Variants in NPC1 observed in about 807,000 individuals in gnomAD.
NPC1 encodes NPC intracellular cholesterol transporter 1.
NPC1 carries 85 observed loss-of-function variants against 140.4 expected under a neutral mutation model. That is an observed-to-expected ratio of 0.61 (90% CI 0.51 to 0.72). The LOEUF (loss-of-function observed/expected upper bound fraction) is 0.72, where lower values mean the gene tolerates loss of function less well. Among genes scored for constraint, NPC1 ranks in the 30% least tolerant of loss-of-function variants. NPC1 has a pLI of 0.00. For missense variants in NPC1, 1,504 were observed against 1,623.8 expected, an observed-to-expected ratio of 0.93 and a Z score of 1.27; for synonymous variants, 656 against 624.8, an observed-to-expected ratio of 1.05 and a Z score of -0.74.
intron 3 of NPC1, among the ~76,000 whole-genome samples, chr18:23,569,451 T>C (rs1252281589): frequency 6.6e-6 from 1 of 152,160 alleles, no homozygotes; most frequent in Non-Finnish European, 1.5e-5. Flanking sequence ...GCCTCCCAAG[T>C]AGCTAGGACT....
chr18:23,564,367 G>A (rs974259457), intron 4 of NPC1, among the ~76,000 whole-genome samples: 14 of 151,916 alleles, frequency 9.2e-5, no homozygotes, highest in Admixed American at 1.3e-4. Flanking sequence ...TTTTGAGACA[G>A]AGTCTCACTC....
At chr18:23,537,835 G>A (rs985685532) in intron 20 of NPC1, among the ~76,000 whole-genome samples, 2 of 152,156 alleles carry the variant, frequency 1.3e-5, no homozygotes, top group Admixed American at 6.5e-5. Context: ...ATGATACCTC[G>A]AATAGGTCTC....
intron 1 of NPC1, among the ~76,000 whole-genome samples, chr18:23,578,571 G>A (rs1382687196): frequency 6.6e-6 from 1 of 151,560 alleles, no homozygotes; most frequent in Non-Finnish European, 1.5e-5. Context: ...CACCTCAGGG[G>A]CCTCCACACC....
At position 23,561,476 on chromosome 18, in the gene NPC1, G is replaced by A. The variant is rs753654470; in HGVS notation, c.515C>T (p.Ala172Val). The A allele has an allele frequency of 4.3e-6, 7 of 1,614,008 alleles. No individual in the cohort carries two copies. The South Asian group carries it at 5.5e-5, about 13-fold the overall frequency. ...DVEAPSSNDK[A>V]LGLLCGKDAD... ...GTCCTTCCCACACAGGAGTCCCAGG[G>A]CCTTGTCATTACTTGAGGGGGCCTC... is the stretch of plus-strand genomic sequence containing the variant. Residue 172 changes from alanine to valine, a missense_variant, in exon 5 of 25, where the codon GCC (alanine) becomes GTC (valine). By Grantham distance (64) the Ala-to-Val change is moderately conservative (BLOSUM62 0). Transcript: ENST00000269228.
intron 1 of NPC1, 93 bp from the exon 2 acceptor site, chr18:23,573,667 C>T (rs1298385484): frequency 6.9e-7 from 1 of 1,451,450 alleles, no homozygotes; most frequent in African/African-American, 1.4e-5. Context: ...ACAGAAACTT[C>T]CAATGCTACC....
chr18:23,543,243 C>T (rs537134531), intron 14 of NPC1, among the ~76,000 whole-genome samples: 2 of 149,180 alleles, frequency 1.3e-5, no homozygotes, highest in Non-Finnish European at 3.0e-5. Flanking sequence ...GCAGGAAAAT[C>T]GCTTGAACCC....
Position 23,555,592 on chromosome 18 carries a change from G to A in NPC1, c.1327-608C>T, listed in dbSNP as rs1468725640. Among the ~76,000 whole-genome samples, 6 of 152,324 alleles carry A rather than the reference G, an allele frequency of 3.9e-5. No homozygotes were observed. The East Asian group carries it at 1.2e-3, about 29-fold the overall frequency. On this transcript the variant is annotated intron_variant, in intron 8 of 24. Coordinates refer to ENST00000269228, the MANE Select transcript of NPC1 (RefSeq NM_000271.5). ...GCAATGTTTAAAGGAAAAACCATGT[G>A]ATTATACATTCATTAAAAAAGAAGC...
In NPC1 at chr18:23,586,337, C is replaced by G; in HGVS notation, c.7G>C (p.Ala3Pro). The G allele has an allele frequency of 6.5e-7, 1 of 1,533,936 alleles. No individual in the cohort carries two copies. Among genetic ancestry groups the G allele is most frequent in the African/African-American group, 1.4e-5 (1 of 73,008 alleles). MT[A>P]RGLALGLLLL... ...AGGAGGCCAAGGGCCAGGCCGCGAG[C>G]GGTCATGCTGTGGCCGCGCAAGGCT... Residue 3 changes from alanine to proline, a missense_variant, in exon 1 of 25, where the codon GCT (alanine) becomes CCT (proline). Physicochemically the swap from Ala to Pro is conservative, Grantham distance 27 (BLOSUM62 -1). Coordinates refer to ENST00000269228, the MANE Select transcript of NPC1 (RefSeq NM_000271.5).
At chr18:23,553,659 TG>T (rs1171609608) in intron 9 of NPC1, among the ~76,000 whole-genome samples, 2 of 152,202 alleles carry the variant, frequency 1.3e-5, no homozygotes, top group Non-Finnish European at 2.9e-5. Flanking sequence ...GCTGAACAAA[TG>T]TCCCTAGGCC....
In NPC1 at chr18:23,535,649, G is replaced by A; in HGVS notation, c.3297C>T (p.Ile1099=). The A allele has an allele frequency of 6.2e-7, 1 of 1,614,150 alleles. No individual in the cohort carries two copies. The highest frequency in any genetic ancestry group is 8.5e-7 in the Non-Finnish European group (1 of 1,180,032). The change falls in exon 22 of 25, where the codon ATC becomes ATT. Residue 1099 remains isoleucine (I), a synonymous_variant. Coordinates refer to ENST00000269228, the MANE Select transcript of NPC1 (RefSeq NM_000271.5). ...CGCCCAGGGACACACCGAGGTTGAA[G>A]ATAGTGTCGTCAATGATGGTCAGGT... is the stretch of plus-strand genomic sequence containing the variant. ...EQYLTIIDDT[I]FNLGVSLGAI...
In NPC1 at chr18:23,554,931, C is replaced by T; in HGVS notation, c.1380G>A (p.Glu460=). The change falls in exon 9 of 25, where the codon GAG becomes GAA. Residue 460 remains glutamate, a synonymous_variant. Transcript: ENST00000269228. ...AGCAGATGTCTTGAAGTGTCACAGT[C>T]TCATTGTCATAAGAGGCAGTAATGT... The part of the protein sequence containing the change: ...IENITASYDN[E]TVTLQDICLA... The T allele has an allele frequency of 6.2e-7, 1 of 1,614,150 alleles. No homozygotes were observed. The highest frequency in any genetic ancestry group is 8.5e-7 in the Non-Finnish European group (1 of 1,179,976).
chr18:23,516,036 G>C (rs764244024), intron 3 of NPC1: 1 of 1,613,164 alleles, frequency 6.2e-7, no homozygotes, highest in South Asian at 1.1e-5. Context: ...CCTTTCCCCA[G>C]TTGTCCCCTG....
At chr18:23,550,727 C>A (rs1220037060) in intron 10 of NPC1, among the ~76,000 whole-genome samples, 5 of 151,926 alleles carry the variant, frequency 3.3e-5, no homozygotes, top group African/African-American at 1.2e-4. Context: ...ACCTTGTGAT[C>A]CACCCGCCTC....
At position 23,541,657 on chromosome 18, in the gene NPC1, T is replaced by C. The variant is rs534415552; in HGVS notation, c.2246-224A>G. On this transcript the variant is annotated intron_variant, in intron 14 of 24. Coordinates refer to ENST00000269228, the MANE Select transcript of NPC1 (RefSeq NM_000271.5). ...GACCATTTGGGAAGCCCCATCCTAG[T>C]TATGACAGGAATTCAACCCCAATTC... Among the ~76,000 whole-genome samples, 13 of 152,338 alleles carry C rather than the reference T, an allele frequency of 8.5e-5. No individual in the cohort carries two copies. In the South Asian group the frequency reaches 2.3e-3, roughly 27 times the overall value.
chr18:23,509,535 A>G, intron 3 of NPC1: 1 of 206,854 alleles, frequency 4.8e-6, no homozygotes. Context: ...ATGCCTGGCT[A>G]ATTTTTCTTT....
chr18:23,548,760 C>G (rs2058825816), intron 10 of NPC1, among the ~76,000 whole-genome samples: 1 of 152,126 alleles, frequency 6.6e-6, no homozygotes, highest in African/African-American at 2.4e-5. Flanking sequence ...AAAACACATA[C>G]TTGTAGAAAT....
chr18:23,555,150 C>T (rs989962584), intron 8 of NPC1, among the ~76,000 whole-genome samples, 166 bp from the exon 9 acceptor site: 2 of 152,246 alleles, frequency 1.3e-5, no homozygotes, highest in African/African-American at 4.8e-5. Flanking sequence ...GAAAACTGGT[C>T]AGGCCACAGG....
Position 23,544,943 on chromosome 18 carries a change from A to AGCCCCCCCCC in NPC1, c.1947+16_1947+17insGGGGGGGGGC. The AGCCCCCCCCC allele has an allele frequency of 9.7e-7, 1 of 1,032,984 alleles. No individual in the cohort carries two copies. The highest frequency in any genetic ancestry group is 1.3e-5 in the South Asian group (1 of 74,506). 64.0% of individuals were successfully genotyped at this position (1,032,984 alleles called of 1,614,324 possible). ...GCTGTTAACCTCTAGAACATACACC[A>AGCCCCCCCCC]CCCCCCCCCGGCTTACCAGAAGCCT... On this transcript the variant is annotated intron_variant, in intron 12 of 24. Transcript: ENST00000269228.
At chr18:23,543,624 C>A in intron 13 of NPC1, 55 bp from the exon 14 acceptor site, 1 of 1,013,380 alleles carries the variant, frequency 9.9e-7, no homozygotes, top group Non-Finnish European at 1.5e-6. Flanking sequence ...ATAACAACGC[C>A]ATTTCTTGCT....
Sources: gnomAD v4.1 joint callset for allele counts (sites outside exome capture counted in the v4.1 genomes callset) on GRCh38, gnomAD v4.1.1 for gene constraint, MANE v1.5 for transcripts, NCBI Gene and HGNC (gene_info 2026-07-23, HGNC 2026-07-21) for gene names.